Variants in PCDHGC4 observed in about 807,000 individuals in gnomAD.
PCDHGC4 encodes the protein protocadherin gamma subfamily C, 4.
PCDHGC4 carries 15 observed loss-of-function variants against 59.7 expected under a neutral mutation model. The observed-to-expected ratio is 0.25, with a 90% CI of 0.17 to 0.39. PCDHGC4 has a LOEUF of 0.39. Ranked by LOEUF, PCDHGC4 falls within the 10% of genes least tolerant of loss-of-function variation. PCDHGC4 has a pLI of 1.00. For missense variants in PCDHGC4, 1,016 were observed against 1,189.5 expected, an observed-to-expected ratio of 0.85 and a Z score of 2.15; for synonymous variants, 434 against 481.4, an observed-to-expected ratio of 0.90 and a Z score of 1.29.
rs762783104 is a variant in PCDHGC4 at position 141,485,601 on chromosome 5, G to A, written c.428G>A (p.Gly143Glu). 4.3e-6 allele frequency: 7 copies of A among 1,612,290 alleles called. No homozygotes were observed. The highest frequency in any genetic ancestry group is 5.9e-6 in the Non-Finnish European group (7 of 1,178,722). The change falls in exon 1 of 4, where the codon GGG becomes GAG. Residue 143 changes from glycine (G) to glutamate (E), a missense_variant. By Grantham distance (98) the Gly-to-Glu change is moderately conservative. Transcript: ENST00000306593. The surrounding 1 kb of genome is among the most constrained non-coding windows in gnomAD (Gnocchi z 5.7). ...FPRQQLDLEI[G>E]EAAPPGQRFP... ...CGGCAGCAGCTGGACTTGGAAATTG[G>A]GGAGGCAGCTCCTCCAGGACAGCGT...
chr5:141,490,062 C>A lies in PCDHGC4; in HGVS notation c.2442+2447C>A, dbSNP rs758715682. 6.2e-7 allele frequency: 1 copy of A among 1,614,218 alleles called. No homozygotes were observed. The highest frequency in any genetic ancestry group is 1.1e-5 in the South Asian group (1 of 91,082). ...CCACTGATCCAGACGAGGGCACCAA[C>A]GGCCAACTAGACTATTCTTTTGGAG... On this transcript the variant is annotated intron_variant, in intron 1 of 3. Coordinates refer to ENST00000306593, the MANE Select transcript of PCDHGC4 (RefSeq NM_018928.3). The surrounding 1 kb of genome is among the most constrained non-coding windows in gnomAD (Gnocchi z 5.4).
Position 141,491,906 on chromosome 5 carries a change from T to A in PCDHGC4, c.2443-2901T>A, listed in dbSNP as rs1490050332. On this transcript the variant is annotated intron_variant, in intron 1 of 3. Transcript: ENST00000306593. The surrounding 1 kb of genome is among the most constrained non-coding windows in gnomAD (Gnocchi z 6.9). ...ATGGGGCTCCGAGCACCGGGGGTGG[T>A]GGCGACTGTGGGCGAGGGGAGGTGG... is the stretch of plus-strand genomic sequence containing the variant. 7.1e-7 allele frequency: 1 copy of A among 1,414,468 alleles called. No individual in the cohort carries two copies. Among genetic ancestry groups the A allele is most frequent in the African/African-American group, 1.4e-5 (1 of 69,002 alleles). 87.6% of individuals were successfully genotyped at this position (1,414,468 alleles called of 1,614,324 possible).
chr5:141,507,023 C>T (rs971356315), intron 3 of PCDHGC4: 16 of 152,348 alleles, frequency 1.1e-4, no homozygotes, highest in African/African-American at 2.4e-4. Flanking sequence ...AAGGCACTTG[C>T]CCCAGGGTCC....
In PCDHGC4 at chr5:141,487,743, G is replaced by C. The variant is rs1424889718; in HGVS notation, c.2442+128G>C. The C allele has an allele frequency of 1.9e-6, 3 of 1,559,988 alleles. No homozygotes were observed. Among genetic ancestry groups the C allele is most frequent in the Non-Finnish European group, 2.6e-6 (3 of 1,150,774 alleles). ...AGTGATGTCACCATTTTTGTAAGAG[G>C]TAACTATGTGGTAGACGCTGTGCTT... On this transcript the variant is annotated intron_variant, in intron 1 of 3. Transcript: ENST00000306593. The surrounding 1 kb of genome is among the most constrained non-coding windows in gnomAD (Gnocchi z 5.0).
Position 141,486,266 on chromosome 5 carries a change from C to G in PCDHGC4, c.1093C>G (p.Pro365Ala), listed in dbSNP as rs1311684194. The change falls in exon 1 of 4, where the codon CCT becomes GCT. Residue 365 changes from proline (P) to alanine (A), a missense_variant. By Grantham distance (27) the Pro-to-Ala change is conservative (BLOSUM62 -1). Transcript: ENST00000306593. The surrounding 1 kb of genome is among the most constrained non-coding windows in gnomAD (Gnocchi z 5.0). ...ELGTLPESAEPGTVVALISVQ... is the reference protein window; with the variant it reads ...ELGTLPESAEAGTVVALISVQ... Reference sequence around the variant, plus strand: ...TGGAACCCTCCCCGAGAGTGCAGAACCTGGCACTGTGGTGGCACTTATCAG... The same window carrying G: ...TGGAACCCTCCCCGAGAGTGCAGAAGCTGGCACTGTGGTGGCACTTATCAG... 1 of 1,614,098 alleles carries G rather than the reference C, an allele frequency of 6.2e-7. No individual in the cohort carries two copies.
rs191642740 is a variant in PCDHGC4 at position 141,509,833 on chromosome 5, C to T, written c.2591-1114C>T. On this transcript the variant is annotated intron_variant, in intron 3 of 3. Coordinates refer to ENST00000306593, the MANE Select transcript of PCDHGC4 (RefSeq NM_018928.3). ...GAGCTCTTCTCCATCTTCTCTCTAC[C>T]TCCCATTCACTCAGAACAGGGATAA... 2.6e-5 allele frequency among the ~76,000 whole-genome samples: 4 copies of T among 152,300 alleles called. No individual in the cohort carries two copies. The East Asian group carries it at 7.7e-4, about 29-fold the overall frequency.
chr5:141,490,978 C>T lies in PCDHGC4; in HGVS notation c.2442+3363C>T. 6.2e-7 allele frequency: 1 copy of T among 1,614,100 alleles called. No individual in the cohort carries two copies. Among genetic ancestry groups the T allele is most frequent in the Non-Finnish European group, 8.5e-7 (1 of 1,180,034 alleles). ...GGAACACTCAGCCCCCCAGCGTCTC[C>T]CTCGCTCTGCTCCTCCTGGCTCCTT... is the stretch of plus-strand genomic sequence containing the variant. On this transcript the variant is annotated intron_variant, in intron 1 of 3. Coordinates refer to ENST00000306593, the MANE Select transcript of PCDHGC4 (RefSeq NM_018928.3). The surrounding 1 kb of genome is among the most constrained non-coding windows in gnomAD (Gnocchi z 5.4).
intron 3 of PCDHGC4, among the ~76,000 whole-genome samples, chr5:141,509,622 T>C (rs2099877603): frequency 6.6e-6 from 1 of 152,186 alleles, no homozygotes; most frequent in Non-Finnish European, 1.5e-5. Flanking sequence ...AACAAGTTCC[T>C]GGGTGATGCT....
chr5:141,498,994 AAGG>A (rs1310594976), intron 2 of PCDHGC4, among the ~76,000 whole-genome samples: 4 of 148,560 alleles, frequency 2.7e-5, no homozygotes, highest in Non-Finnish European at 4.5e-5. Flanking sequence ...GGAAGGAAGG[AAGG>A]AAGGAAGGAA....
intron 3 of PCDHGC4, among the ~76,000 whole-genome samples, chr5:141,507,582 T>G (rs1221383898): frequency 6.6e-6 from 1 of 152,264 alleles, no homozygotes; most frequent in Non-Finnish European, 1.5e-5. Flanking sequence ...AGATGCCAAG[T>G]TGGCCTCTTG....
At chr5:141,494,183 G>A (rs971032835) in intron 1 of PCDHGC4, among the ~76,000 whole-genome samples, 2 of 152,146 alleles carry the variant, frequency 1.3e-5, no homozygotes, top group Non-Finnish European at 2.9e-5. Context: ...GAAGTGTCCC[G>A]GGACTTGGAT....
intron 3 of PCDHGC4, among the ~76,000 whole-genome samples, chr5:141,509,045 GC>G (rs1165443091): frequency 6.6e-6 from 1 of 152,060 alleles, no homozygotes; most frequent in Non-Finnish European, 1.5e-5. Context: ...CCTCTCCCCC[GC>G]CCCCAGAAAG....
chr5:141,491,723 G>C lies in PCDHGC4; in HGVS notation c.2443-3084G>C. The C allele has an allele frequency of 1.2e-6, 2 of 1,606,770 alleles. No homozygotes were observed. The highest frequency in any genetic ancestry group is 1.7e-6 in the Non-Finnish European group (2 of 1,177,028). On this transcript the variant is annotated intron_variant, in intron 1 of 3. Transcript: ENST00000306593. The surrounding 1 kb of genome is among the most constrained non-coding windows in gnomAD (Gnocchi z 6.9). The stretch of plus-strand genomic sequence containing the variant: ...CAGGTGAGGGGCTCGGCGCCGCCCC[G>C]GGCGACCCCTGGGGGCGGCACTGGA...
chr5:141,497,100 T>A (rs886445893), intron 2 of PCDHGC4, among the ~76,000 whole-genome samples: 2 of 151,774 alleles, frequency 1.3e-5, no homozygotes, highest in Non-Finnish European at 2.9e-5. Context: ...GAGGCAGAAC[T>A]GCTTGAACCC....
rs1562187768 is a variant in PCDHGC4, at chr5:141,499,029, A to AAGG, written c.2501+4165_2501+4166insGGA. 5.0e-3 allele frequency among the ~76,000 whole-genome samples: 706 copies of AAGG among 140,066 alleles called. 6 individuals carry two copies. Among genetic ancestry groups the AAGG allele is most frequent in the African/African-American group, 0.019 (683 of 36,064 alleles). The allele number at this position is 140,066 out of a possible 152,430, so 91.9% of individuals were successfully genotyped here. A position where few individuals can be genotyped will look rare whatever the true frequency, so the allele number is the denominator to read the frequency against. ...GGAAGGAAGGAAGGAAGGAAGGAAG[A>AAGG]AAAGAAAGAAAAAGGGAGAAAAAAT... On this transcript the variant is annotated intron_variant, in intron 2 of 3. Transcript: ENST00000306593.
Position 141,491,968 on chromosome 5 carries a change from G to GC in PCDHGC4, c.2443-2837dup. On this transcript the variant is annotated intron_variant, in intron 1 of 3. Coordinates refer to ENST00000306593, the MANE Select transcript of PCDHGC4 (RefSeq NM_018928.3). The surrounding 1 kb of genome is among the most constrained non-coding windows in gnomAD (Gnocchi z 6.9). ...ACCCCTACACTCAAAAAAGGCCGGG[G>GC]CCTCCTTCGAGCTTCCGGTGAATTT... 1.1e-6 allele frequency: 1 copy of GC among 923,644 alleles called. No homozygotes were observed. Among genetic ancestry groups the GC allele is most frequent in the Admixed American group, 3.6e-5 (1 of 27,548 alleles). 57.2% of individuals were successfully genotyped at this position (923,644 alleles called of 1,614,324 possible).
In PCDHGC4 at chr5:141,505,438, T is replaced by C. The variant is rs149352680; in HGVS notation, c.2547T>C (p.Phe849=). The C allele has an allele frequency of 6.8e-6, 11 of 1,614,046 alleles. No homozygotes were observed. The African/African-American group carries it at 1.5e-4, about 22-fold the overall frequency. The stretch of plus-strand genomic sequence containing the variant: ...CCGGCACCTGGCCCAACAACCAGTT[T>C]GACACAGAGATGCTGCAAGCCATGA... ...DDTGTWPNNQ[F]DTEMLQAMIL... Residue 849 remains phenylalanine, a synonymous_variant, in exon 3 of 4, where the codon TTT becomes TTC. Transcript: ENST00000306593.
chr5:141,494,778 CA>C (rs1228639033), intron 1 of PCDHGC4, 28 bp from the exon 2 acceptor site: 1 of 1,614,086 alleles, frequency 6.2e-7, no homozygotes, highest in Admixed American at 1.7e-5. Flanking sequence ...CACGGGTACT[CA>C]GCCCCTTTCC....
At position 141,487,534 on chromosome 5, in the gene PCDHGC4, G is replaced by T; in HGVS notation, c.2361G>T (p.Met787Ile). The T allele has an allele frequency of 6.2e-7, 1 of 1,614,174 alleles. No homozygotes were observed. The highest frequency in any genetic ancestry group is 8.5e-7 in the Non-Finnish European group (1 of 1,180,034). ...CCACTCGGAGTGATAGCTTCATGAT[G>T]GTGAAGTCACCCAGTGCACCTATGG... ...SAPTRSDSFM[M>I]VKSPSAPMAG... The change falls in exon 1 of 4, where the codon ATG (methionine) becomes ATT (isoleucine). Residue 787 changes from methionine (M) to isoleucine (I), a missense_variant. Coordinates refer to ENST00000306593, the MANE Select transcript of PCDHGC4 (RefSeq NM_018928.3). This position sits in a 1 kb window ranked among gnomAD's most constrained non-coding sequence, Gnocchi z 5.0.
Sources: gnomAD v4.1 joint callset for allele counts (sites outside exome capture counted in the v4.1 genomes callset) on GRCh38, gnomAD v4.1.1 for gene constraint, Gnocchi (gnomAD v3.1) non-coding constraint, MANE v1.5 for transcripts, NCBI Gene and HGNC (gene_info 2026-07-23, HGNC 2026-07-21) for gene names.